SIL1: variants seen among roughly 807,000 people sequenced by gnomAD.
SIL1 encodes the protein nucleotide exchange factor SIL1.
A neutral mutation model predicts 49.1 loss-of-function variants in SIL1; 40 were observed. The observed-to-expected ratio is 0.81, with a 90% CI of 0.63 to 1.06. The LOEUF is 1.06. SIL1 is among the 50% of genes least tolerant of loss of function. The probability of loss-of-function intolerance (pLI) is 0.00; values close to 1 mark genes in which losing one functional copy is unlikely to be tolerated. For synonymous variants in SIL1, 253 were observed against 250.8 expected, an observed-to-expected ratio of 1.01 and a Z score of -0.08; for missense variants, 500 against 572.6, an observed-to-expected ratio of 0.87 and a Z score of 1.29.
At chr5:139,196,409 CAT>C (rs1234624002) in intron 1 of SIL1, 1 of 152,308 alleles carries the variant, frequency 6.6e-6, no homozygotes, top group Non-Finnish European at 1.5e-5. Flanking sequence ...CAAGTTCCCA[CAT>C]GTCAGTTATT....
chr5:138,991,766 A>C (rs577463583), intron 7 of SIL1, among the ~76,000 whole-genome samples: 2 of 152,348 alleles, frequency 1.3e-5, no homozygotes, highest in African/African-American at 4.8e-5. Context: ...ACAAACACTC[A>C]AAAGTATTTG....
chr5:139,044,215 G>A (rs1769103865), intron 4 of SIL1, among the ~76,000 whole-genome samples: 1 of 152,126 alleles, frequency 6.6e-6, no homozygotes, highest in Non-Finnish European at 1.5e-5. Flanking sequence ...CTACAAAGTA[G>A]GGAGAGAATC....
chr5:139,030,693 A>G (rs1768769777), intron 5 of SIL1, among the ~76,000 whole-genome samples: 2 of 151,884 alleles, frequency 1.3e-5, no homozygotes, highest in African/African-American at 4.8e-5. Flanking sequence ...TGTAGAAAAC[A>G]TAGACCATTT....
intron 3 of SIL1, 23 bp from the exon 4 acceptor site, chr5:139,051,069 G>T: frequency 6.2e-7 from 1 of 1,609,420 alleles, no homozygotes; most frequent in Non-Finnish European, 8.5e-7. Flanking sequence ...AAGAGAAAAG[G>T]CTCATGAGGT....
At chr5:139,023,794 G>T (rs1172861691) in intron 6 of SIL1, among the ~76,000 whole-genome samples, 1 of 152,222 alleles carries the variant, frequency 6.6e-6, no homozygotes, top group East Asian at 1.9e-4. Context: ...CTCGGGCCGA[G>T]TTGTGTCTTA....
chr5:139,068,336 T>C (rs1046888497), intron 3 of SIL1, among the ~76,000 whole-genome samples: 1 of 152,150 alleles, frequency 6.6e-6, no homozygotes, highest in Non-Finnish European at 1.5e-5. Flanking sequence ...TAACAGCAAG[T>C]GAACCTATGT....
At chr5:139,171,564 G>A (rs903874940) in intron 1 of SIL1, among the ~76,000 whole-genome samples, 12 of 151,978 alleles carry the variant, frequency 7.9e-5, no homozygotes, top group South Asian at 4.2e-4. Context: ...CAAACACTGC[G>A]GAAGGCCACA....
At chr5:138,985,474 T>C (rs1259519969) in intron 7 of SIL1, among the ~76,000 whole-genome samples, 2 of 151,808 alleles carry the variant, frequency 1.3e-5, no homozygotes, top group African/African-American at 4.8e-5. Context: ...ACCAGTGTAG[T>C]TCAAAGGTAA....
intron 1 of SIL1, among the ~76,000 whole-genome samples, chr5:139,179,635 G>A (rs1751947388): frequency 6.6e-6 from 1 of 152,158 alleles, no homozygotes; most frequent in African/African-American, 2.4e-5. Flanking sequence ...CAGGCATAGT[G>A]ACAGGTACTT....
intron 7 of SIL1, among the ~76,000 whole-genome samples, chr5:139,020,871 C>T (rs187613645): frequency 6.6e-6 from 1 of 152,188 alleles, no homozygotes; most frequent in African/African-American, 2.4e-5. Flanking sequence ...ATTCCCCTCC[C>T]TCTCTACTAT....
chr5:139,131,050 C>A (rs1032877656), intron 1 of SIL1, among the ~76,000 whole-genome samples: 1 of 152,008 alleles, frequency 6.6e-6, no homozygotes, highest in Non-Finnish European at 1.5e-5. Flanking sequence ...CTAGGATAGA[C>A]GTCAAGAAAA....
At chr5:139,151,132 A>G (rs552723415) in intron 1 of SIL1, among the ~76,000 whole-genome samples, 1 of 152,302 alleles carries the variant, frequency 6.6e-6, no homozygotes, top group African/African-American at 2.4e-5. Context: ...GCCTCAACTC[A>G]ATGGAAACCT....
chr5:139,102,000 T>C (rs1411370533), intron 3 of SIL1, among the ~76,000 whole-genome samples: 1 of 152,164 alleles, frequency 6.6e-6, no homozygotes, highest in Non-Finnish European at 1.5e-5. Context: ...CTCGCTGAAA[T>C]GCTGGGTGAA....
chr5:139,031,760 T>C (rs1337712381), intron 5 of SIL1, among the ~76,000 whole-genome samples: 1 of 152,228 alleles, frequency 6.6e-6, no homozygotes, highest in Non-Finnish European at 1.5e-5. Flanking sequence ...TTTAATTAAG[T>C]CTTCTTTGAT....
At position 139,042,860 on chromosome 5, in the gene SIL1, G is replaced by C. The variant is rs1028611051; in HGVS notation, c.354-141C>G. On this transcript the variant is annotated intron_variant, in intron 4 of 9. Transcript: ENST00000394817. ...CAAAAAATTTAAAAATATTAGTTAG[G>C]ATGTGATGGTATGTGCCTGTGGTCC... The C allele has an allele frequency of 1.0e-5, 8 of 770,030 alleles. No homozygotes were observed. In the East Asian group the frequency reaches 2.1e-4, roughly 20 times the overall value. The allele number at this position is 770,030 out of a possible 1,614,324, so 47.7% of individuals were successfully genotyped here.
At chr5:139,148,060 C>T (rs77903276) in intron 1 of SIL1, among the ~76,000 whole-genome samples, 303 of 151,882 alleles carry the variant, frequency 2.0e-3, no homozygotes, top group African/African-American at 7.1e-3. Context: ...TAAATACATT[C>T]TGAGCATGGA....
intron 7 of SIL1, among the ~76,000 whole-genome samples, chr5:139,001,902 TA>T (rs1404882565): frequency 1.7e-3 from 227 of 137,028 alleles, no homozygotes; most frequent in Non-Finnish European, 1.7e-3. Flanking sequence ...AGACTCCGTC[TA>T]AAAAAAAAAA....
intron 3 of SIL1, among the ~76,000 whole-genome samples, chr5:139,055,286 T>A (rs868045765): frequency 3.2e-4 from 49 of 152,224 alleles, no homozygotes; most frequent in African/African-American, 1.1e-3. Flanking sequence ...ACTGACACTG[T>A]CACTGACTTC....
At chr5:138,957,399 C>T (rs955608071) in intron 7 of SIL1, among the ~76,000 whole-genome samples, 10 of 149,692 alleles carry the variant, frequency 6.7e-5, no homozygotes, top group Non-Finnish European at 1.5e-4. Flanking sequence ...GGTAAAATCC[C>T]CGTCTCTGCA....
Sources: allele counts gnomAD v4.1 joint callset (sites outside exome capture counted in the v4.1 genomes callset), GRCh38; gene constraint gnomAD v4.1.1; transcripts MANE v1.5; gene names NCBI Gene and HGNC (gene_info 2026-07-23, HGNC 2026-07-21).